The following CELSR1 variants were observed in gnomAD, a reference collection of about 807,000 sequenced individuals.
CELSR1 encodes the protein adhesion G protein-coupled receptor C1.
Under a neutral mutation model 249.1 loss-of-function variants are expected in CELSR1, and 110 were observed. The observed-to-expected ratio is 0.44, with a 90% confidence interval of 0.38 to 0.52. The LOEUF is 0.52. CELSR1 is among the 20% of genes least tolerant of loss of function. The pLI, the probability that CELSR1 is intolerant of heterozygous loss-of-function variation, is 0.00. For synonymous variants in CELSR1, 2,113 were observed against 1,900.0 expected (o/e 1.11, Z -2.92); for missense variants, 4,109 against 4,296.4 (o/e 0.96, Z 1.22).
At chr22:46,515,451 T>C (rs59940350) in intron 1 of CELSR1, among the ~76,000 whole-genome samples, 3,792 of 152,020 alleles carry the variant, frequency 0.025, 185 homozygotes, top group African/African-American at 0.087. Context: ...AAACACAAAC[T>C]CTATGAAGGC....
Position 46,430,056 on chromosome 22 carries a change from T to G in CELSR1, c.4611+3337A>C, listed in dbSNP as rs971403773. Among the ~76,000 whole-genome samples the G allele has an allele frequency of 6.6e-6, 1 of 151,908 alleles. No homozygotes were observed. The highest frequency in any genetic ancestry group is 2.4e-5 in the African/African-American group (1 of 41,334). On this transcript the variant is annotated intron_variant, in intron 5 of 34. Coordinates refer to ENST00000674500, the MANE Select transcript of CELSR1 (RefSeq NM_001378328.1). This position sits in a 1 kb window ranked among gnomAD's most constrained non-coding sequence, Gnocchi z 4.6. ...TGTACACTGGTGGGTGGGGGAAGGG[T>G]CCCCGCAGGTTGCACGTGGAGGCAG...
At position 46,434,566 on chromosome 22, in the gene CELSR1, A is replaced by G. The variant is rs2079635891; in HGVS notation, c.4523-1085T>C. On this transcript the variant is annotated intron_variant, in intron 4 of 34. Coordinates refer to ENST00000674500, the MANE Select transcript of CELSR1 (RefSeq NM_001378328.1). This position sits in a 1 kb window ranked among gnomAD's most constrained non-coding sequence, Gnocchi z 4.9. ...GTGCCTCCCTTTCTTTATTGAGTAT[A>G]GAAAACAAAGCTCCATCCTCCACCA... 1.3e-5 allele frequency among the ~76,000 whole-genome samples: 2 copies of G among 152,240 alleles called. No homozygotes were observed. Among genetic ancestry groups the G allele is most frequent in the South Asian group, 2.1e-4 (1 of 4,832 alleles).
intron 1 of CELSR1, among the ~76,000 whole-genome samples, chr22:46,478,508 T>C: frequency 6.6e-6 from 1 of 151,990 alleles, no homozygotes; most frequent in Non-Finnish European, 1.5e-5. Flanking sequence ...CACGAGCCAC[T>C]GCCAGCCCAA....
chr22:46,494,613 A>G (rs967099113), intron 1 of CELSR1, among the ~76,000 whole-genome samples: 4 of 152,064 alleles, frequency 2.6e-5, no homozygotes, highest in Non-Finnish European at 4.4e-5. Context: ...GGCTCAAGCA[A>G]TTCTCATGCC....
intron 25 of CELSR1, among the ~76,000 whole-genome samples, chr22:46,372,411 C>CA (rs1569109906): frequency 8.0e-6 from 1 of 124,788 alleles, no homozygotes; most frequent in Non-Finnish European, 1.8e-5. Context: ...TCACTCACCC[C>CA]TCCACCCATC....
At chr22:46,426,555 C>T (rs947562283) in intron 5 of CELSR1, among the ~76,000 whole-genome samples, 6 of 152,246 alleles carry the variant, frequency 3.9e-5, no homozygotes, top group African/African-American at 1.4e-4. Context: ...CCCTGATCAC[C>T]TCCCAAAGGC....
intron 23 of CELSR1, 99 bp from the exon 24 acceptor site, chr22:46,377,360 C>G (rs926190558): frequency 2.1e-5 from 27 of 1,312,590 alleles, no homozygotes; most frequent in African/African-American, 2.9e-5. Flanking sequence ...GCTTATGAAA[C>G]GATCAAGGCT....
intron 25 of CELSR1, 66 bp from the exon 26 acceptor site, chr22:46,369,870 A>G: frequency 7.1e-7 from 1 of 1,403,186 alleles, no homozygotes; most frequent in Non-Finnish European, 1.0e-6. Context: ...CATGCCAAGG[A>G]CCAGCCAGGG....
intron 2 of CELSR1, among the ~76,000 whole-genome samples, chr22:46,455,510 G>A (rs943759434): frequency 6.6e-5 from 10 of 152,188 alleles, no homozygotes; most frequent in Non-Finnish European, 1.0e-4. Flanking sequence ...GATTACAGAG[G>A]TTCTAGTTTT....
At chr22:46,495,276 C>T (rs1027097015) in intron 1 of CELSR1, among the ~76,000 whole-genome samples, 1 of 152,172 alleles carries the variant, frequency 6.6e-6, no homozygotes, top group Non-Finnish European at 1.5e-5. Context: ...TGTTACTGTA[C>T]TGAGTACTGT....
chr22:46,407,303 A>T lies in CELSR1; in HGVS notation c.5226+1693T>A, dbSNP rs1446581433. Reference sequence around the variant, plus strand: ...GATGCACATACACAGACTGACATGCACACACACTTGCACGGAGATATGCGC... The same window carrying T: ...GATGCACATACACAGACTGACATGCTCACACACTTGCACGGAGATATGCGC... On this transcript the variant is annotated intron_variant, in intron 9 of 34. Coordinates refer to ENST00000674500, the MANE Select transcript of CELSR1 (RefSeq NM_001378328.1). This position sits in a 1 kb window ranked among gnomAD's most constrained non-coding sequence, Gnocchi z 4.8. 6.6e-6 allele frequency among the ~76,000 whole-genome samples: 1 copy of T among 152,194 alleles called. No individual in the cohort carries two copies. Among genetic ancestry groups the T allele is most frequent in the African/African-American group, 2.4e-5 (1 of 41,430 alleles).
Position 46,363,890 on chromosome 22 carries a change from T to C in CELSR1, c.9035+106A>G, listed in dbSNP as rs912709356. The C allele has an allele frequency of 5.8e-6, 8 of 1,388,598 alleles. No homozygotes were observed. The African/African-American group carries it at 7.3e-5, about 13-fold the overall frequency. 86.0% of individuals were successfully genotyped at this position (1,388,598 alleles called of 1,614,324 possible). On this transcript the variant is annotated intron_variant, in intron 34 of 34. Coordinates refer to ENST00000674500, the MANE Select transcript of CELSR1 (RefSeq NM_001378328.1). The surrounding 1 kb of genome is among the most constrained non-coding windows in gnomAD (Gnocchi z 4.3). ...CCTGGGCTTCCTCTGCACTCAGGGC[T>C]CCAGGTGAGGTGGGTGTCAGGTCCC...
At position 46,407,497 on chromosome 22, in the gene CELSR1, T is replaced by C. The variant is rs1252337647; in HGVS notation, c.5226+1499A>G. On this transcript the variant is annotated intron_variant, in intron 9 of 34. Transcript: ENST00000674500. The surrounding 1 kb of genome is among the most constrained non-coding windows in gnomAD (Gnocchi z 4.8). ...ATACAGCAAATTTAGCCAGGTGTGG[T>C]GGTGAGCTCCTGTAATCCCAACTAC... 2.0e-5 allele frequency among the ~76,000 whole-genome samples: 3 copies of C among 152,096 alleles called. No homozygotes were observed. In the East Asian group the frequency reaches 5.8e-4, roughly 29 times the overall value.
Position 46,441,306 on chromosome 22 carries a change from C to G in CELSR1, c.4184-1895G>C, listed in dbSNP as rs564868545. On this transcript the variant is annotated intron_variant, in intron 2 of 34. Coordinates refer to ENST00000674500, the MANE Select transcript of CELSR1 (RefSeq NM_001378328.1). This position sits in a 1 kb window ranked among gnomAD's most constrained non-coding sequence, Gnocchi z 6.1. ...GAGTCCCCAGAGTGGGATGGCTCCACGATGGGCCCTTTGGACAGGCACCTG... is the reference window on the plus strand; with the variant it reads ...GAGTCCCCAGAGTGGGATGGCTCCAGGATGGGCCCTTTGGACAGGCACCTG... 2.0e-5 allele frequency among the ~76,000 whole-genome samples: 3 copies of G among 152,250 alleles called. No individual in the cohort carries two copies. In the South Asian group the frequency reaches 6.2e-4, roughly 32 times the overall value.
In CELSR1 at chr22:46,391,963, C is replaced by T; in HGVS notation, c.5965-147G>A. 1.2e-6 allele frequency: 1 copy of T among 834,454 alleles called. No individual in the cohort carries two copies. The highest frequency in any genetic ancestry group is 1.8e-5 in the African/African-American group (1 of 56,406). The allele number at this position is 834,454 out of a possible 1,614,324, so 51.7% of individuals were successfully genotyped here. ...CCACCCCTCATGGCTACCCTCTGCC[C>T]ACATCCCACACCCAACGGGGGCTGC... On this transcript the variant is annotated intron_variant, in intron 14 of 34. Coordinates refer to ENST00000674500, the MANE Select transcript of CELSR1 (RefSeq NM_001378328.1). This position sits in a 1 kb window ranked among gnomAD's most constrained non-coding sequence, Gnocchi z 4.3.
At chr22:46,461,831 C>A (rs1240312075) in intron 2 of CELSR1, among the ~76,000 whole-genome samples, 1 of 152,264 alleles carries the variant, frequency 6.6e-6, no homozygotes, top group East Asian at 1.9e-4. Flanking sequence ...CGCCCCCCAC[C>A]CAGGCCACAT....
rs1183166169 is a variant in CELSR1 at position 46,445,189 on chromosome 22, T to A, written c.4184-5778A>T. On this transcript the variant is annotated intron_variant, in intron 2 of 34. Coordinates refer to ENST00000674500, the MANE Select transcript of CELSR1 (RefSeq NM_001378328.1). This position sits in a 1 kb window ranked among gnomAD's most constrained non-coding sequence, Gnocchi z 4.4. ...CCAGTCTGGGTGACAAGAGCGAAACTCCACCTCAAAAATAAAAAATAAGGC... is the reference window on the plus strand; with the variant it reads ...CCAGTCTGGGTGACAAGAGCGAAACACCACCTCAAAAATAAAAAATAAGGC... Among the ~76,000 whole-genome samples, 1 of 149,498 alleles carries A rather than the reference T, an allele frequency of 6.7e-6. No individual in the cohort carries two copies. The highest frequency in any genetic ancestry group is 2.5e-5 in the African/African-American group (1 of 40,198).
At chr22:46,378,269 G>A (rs185226833) in intron 23 of CELSR1, among the ~76,000 whole-genome samples, 38 of 152,328 alleles carry the variant, frequency 2.5e-4, no homozygotes, top group Admixed American at 1.1e-3. Context: ...GGCAGGTTCC[G>A]AGAGCTCCTC....
At position 46,536,536 on chromosome 22, in the gene CELSR1, G is replaced by A; in HGVS notation, c.635C>T (p.Pro212Leu). ...CGGCGGCAGGGGCGGCGATGGGGAT[G>A]GCGACGCGGAGGGCGTCCCCGCGGT... ...AATAGTPSAS[P>L]SPSPPLPPNL... The change falls in exon 1 of 35, where the codon CCA becomes CTA. Residue 212 changes from proline to leucine, a missense_variant. Pro to Leu is a moderately conservative substitution (Grantham distance 98). Coordinates refer to ENST00000674500, the MANE Select transcript of CELSR1 (RefSeq NM_001378328.1). 1 of 1,405,238 alleles carries A rather than the reference G, an allele frequency of 7.1e-7. No individual in the cohort carries two copies. Among genetic ancestry groups the A allele is most frequent in the South Asian group, 1.6e-5 (1 of 63,388 alleles). The allele number at this position is 1,405,238 out of a possible 1,614,324, so 87.0% of individuals were successfully genotyped here.
Sources: allele counts gnomAD v4.1 joint callset (sites outside exome capture counted in the v4.1 genomes callset), GRCh38; gene constraint gnomAD v4.1.1; non-coding constraint Gnocchi (gnomAD v3.1); transcripts MANE v1.5; gene names NCBI Gene and HGNC (gene_info 2026-07-23, HGNC 2026-07-21).